Variants in ABL2 observed in about 807,000 individuals in gnomAD.
ABL2 encodes ABL proto-oncogene 2, non-receptor tyrosine kinase.
A neutral mutation model predicts 107.7 loss-of-function variants in ABL2; 49 were observed. That is an observed-to-expected ratio of 0.45 (90% CI 0.36 to 0.58). ABL2 has a LOEUF of 0.58. Among genes scored for constraint, ABL2 ranks in the 20% least tolerant of loss-of-function variants. The pLI is 0.00. For synonymous variants in ABL2, 549 were observed against 548.6 expected, an observed-to-expected ratio of 1.00 and a Z score of -0.01; for missense variants, 1,245 against 1,457.0, an observed-to-expected ratio of 0.85 and a Z score of 2.37.
chr1:179,102,487 A>G lies in ABL2; in HGVS notation c.*5231T>C, dbSNP rs985121795. 37 of 226,420 alleles carry G rather than the reference A, an allele frequency of 1.6e-4. No individual in the cohort carries two copies. Among genetic ancestry groups the G allele is most frequent in the African/African-American group, 8.0e-4 (36 of 44,956 alleles). The allele number at this position is 226,420 out of a possible 1,614,324, so 14.0% of individuals were successfully genotyped here. A position where few individuals can be genotyped will look rare whatever the true frequency, so the allele number is the denominator to read the frequency against. ...CTACTGGCTTGATACAAGCTAAGAC[A>G]GAGACACAAACCGCTGAAGCCTATC... On this transcript the variant is annotated 3_prime_UTR_variant, in exon 12 of 12. Transcript: ENST00000502732.
Position 179,124,464 on chromosome 1 carries a change from C to CTTTTTTTTTT in ABL2, c.687+1903_687+1912dup, listed in dbSNP as rs562899587. ...TTCTAACATCTTAGATTAGCTTCTG[C>CTTTTTTTTTT]TTTTTTTTTTTTTTTTTTTTTTGAG... On this transcript the variant is annotated intron_variant, in intron 4 of 11. Transcript: ENST00000502732. 5.9e-4 allele frequency among the ~76,000 whole-genome samples: 49 copies of CTTTTTTTTTT among 83,354 alleles called. 8 individuals are homozygous for CTTTTTTTTTT. Among genetic ancestry groups the CTTTTTTTTTT allele is most frequent in the African/African-American group, 1.3e-3 (25 of 18,840 alleles). 54.7% of individuals were successfully genotyped at this position (83,354 alleles called of 152,430 possible).
At chr1:179,218,531 G>C (rs1286354495) in intron 1 of ABL2, among the ~76,000 whole-genome samples, 1 of 152,132 alleles carries the variant, frequency 6.6e-6, no homozygotes, top group Non-Finnish European at 1.5e-5. Context: ...CGAGTAGCTG[G>C]GACTACAGGC....
intron 2 of ABL2, among the ~76,000 whole-genome samples, chr1:179,131,833 T>C (rs921986471): frequency 6.6e-6 from 1 of 152,152 alleles, no homozygotes; most frequent in Non-Finnish European, 1.5e-5. Context: ...TTATAAAACA[T>C]AGAGGATATT....
chr1:179,162,024 C>G (rs1162538759), intron 1 of ABL2, among the ~76,000 whole-genome samples: 5 of 152,116 alleles, frequency 3.3e-5, no homozygotes, highest in African/African-American at 1.2e-4. Context: ...TCTTGGACCT[C>G]CCAGCCTCCA....
At chr1:179,132,154 ATT>A (rs938381943) in intron 2 of ABL2, among the ~76,000 whole-genome samples, 1 of 152,214 alleles carries the variant, frequency 6.6e-6, no homozygotes, top group African/African-American at 2.4e-5. Context: ...TTTAAACTCT[ATT>A]TTGTTTTCCT....
intron 1 of ABL2, among the ~76,000 whole-genome samples, chr1:179,190,861 A>T (rs1660970103): frequency 6.6e-6 from 1 of 152,200 alleles, no homozygotes; most frequent in African/African-American, 2.4e-5. Flanking sequence ...TTTCATTGTT[A>T]TAAGAAATTC....
intron 1 of ABL2, among the ~76,000 whole-genome samples, chr1:179,205,110 T>A (rs974159165): frequency 1.3e-5 from 2 of 150,970 alleles, no homozygotes; most frequent in African/African-American, 4.9e-5. Flanking sequence ...CACTGCAACC[T>A]GTGCCTCCTG....
chr1:179,229,079 G>C (rs1460075991), intron 1 of ABL2, among the ~76,000 whole-genome samples, 162 bp downstream of exon 1: 2 of 151,976 alleles, frequency 1.3e-5, no homozygotes, highest in Non-Finnish European at 2.9e-5. Context: ...GGAGGGGTGT[G>C]ACTCGCCTCC....
At chr1:179,199,540 T>C (rs1241806717) in intron 1 of ABL2, among the ~76,000 whole-genome samples, 2 of 152,192 alleles carry the variant, frequency 1.3e-5, no homozygotes, top group East Asian at 3.8e-4. Context: ...ACATGTACTC[T>C]AACATTTTGA....
At chr1:179,221,059 A>G (rs964199585) in intron 1 of ABL2, 35 of 234,018 alleles carry the variant, frequency 1.5e-4, no homozygotes, top group African/African-American at 8.0e-4. Flanking sequence ...TGCTCTGATC[A>G]AAATCCAATT....
At position 179,119,550 on chromosome 1, in the gene ABL2, A is replaced by C. The variant is rs1363418976; in HGVS notation, c.1045+640T>G. ...AAAAAAACACCCCCCACACCCCCCC[A>C]AAAAAAAGAAAAAAAAAAAAACCTG... is the stretch of plus-strand genomic sequence containing the variant. On this transcript the variant is annotated intron_variant, in intron 6 of 11. Transcript: ENST00000502732. 3.4e-5 allele frequency among the ~76,000 whole-genome samples: 5 copies of C among 148,320 alleles called. No homozygotes were observed. In the East Asian group the frequency reaches 9.8e-4, roughly 29 times the overall value.
chr1:179,107,644 A>G lies in ABL2; in HGVS notation c.*74T>C, dbSNP rs1653559405. ...TATGAGTCTTTCATTTTCTGAAAAC[A>G]AGAACACAGGAAAACAAGTCCTTTT... On this transcript the variant is annotated 3_prime_UTR_variant, in exon 12 of 12. Coordinates refer to ENST00000502732, the MANE Select transcript of ABL2 (RefSeq NM_007314.4). 6.6e-7 allele frequency: 1 copy of G among 1,520,328 alleles called. No individual in the cohort carries two copies. Among genetic ancestry groups the G allele is most frequent in the Non-Finnish European group, 8.8e-7 (1 of 1,136,048 alleles). 94.2% of individuals were successfully genotyped at this position (1,520,328 alleles called of 1,614,324 possible).
In ABL2 at chr1:179,217,221, A is replaced by G. The variant is rs532067739; in HGVS notation, c.157+12020T>C. Among the ~76,000 whole-genome samples, 188 of 151,912 alleles carry G rather than the reference A, an allele frequency of 1.2e-3. 1 individual carries two copies. The highest frequency in any genetic ancestry group is 4.4e-3 in the African/African-American group (183 of 41,456). On this transcript the variant is annotated intron_variant, in intron 1 of 11. Coordinates refer to ENST00000502732, the MANE Select transcript of ABL2 (RefSeq NM_007314.4). ...AAGCAGGAAAATCGCTTGAACTCAG[A>G]AGGCCGAGGTTGAACCCAAGAGGCC... is the stretch of plus-strand genomic sequence containing the variant.
intron 1 of ABL2, among the ~76,000 whole-genome samples, chr1:179,151,431 A>G (rs1300546939): frequency 6.6e-6 from 1 of 152,202 alleles, no homozygotes; most frequent in African/African-American, 2.4e-5. Flanking sequence ...CAATTGTTAT[A>G]CTAATATGGG....
At chr1:179,109,590 T>C in intron 11 of ABL2, 149 bp from the exon 12 acceptor site, 1 of 1,302,568 alleles carries the variant, frequency 7.7e-7, no homozygotes, top group East Asian at 2.5e-5. Context: ...TACATTATCA[T>C]TTCACAGTGA....
intron 1 of ABL2, among the ~76,000 whole-genome samples, chr1:179,206,837 G>T (rs111922890): frequency 2.0e-5 from 3 of 152,132 alleles, no homozygotes; most frequent in Admixed American, 2.0e-4. Context: ...GATAAATGCC[G>T]AAAGGATAGA....
chr1:179,191,676 G>A (rs1469694596), intron 1 of ABL2, among the ~76,000 whole-genome samples: 3 of 151,670 alleles, frequency 2.0e-5, no homozygotes, highest in Admixed American at 6.6e-5. Flanking sequence ...CACCCACTTC[G>A]GCCTCCCAAA....
rs200298102 is a variant in ABL2 at position 179,131,366 on chromosome 1, G to A, written c.336C>T (p.Phe112=). Residue 112 remains phenylalanine (F), a synonymous_variant, in exon 3 of 12, where the codon TTC becomes TTT. Coordinates refer to ENST00000502732, the MANE Select transcript of ABL2 (RefSeq NM_007314.4). ...TTGCTACAAAATCATAAAGTGCAAC[G>A]AAGAGATTAGGGTCACTCTCAGTGG... is the stretch of plus-strand genomic sequence containing the variant. ...LGATESDPNL[F]VALYDFVASG... The A allele has an allele frequency of 3.7e-5, 60 of 1,614,044 alleles. No homozygotes were observed. The highest frequency in any genetic ancestry group is 2.4e-4 in the East Asian group (11 of 44,900).
At chr1:179,212,325 AAT>A (rs1196567660) in intron 1 of ABL2, among the ~76,000 whole-genome samples, 4 of 152,204 alleles carry the variant, frequency 2.6e-5, no homozygotes, top group African/African-American at 9.7e-5. Context: ...CAATCATTTA[AAT>A]ACTACTGAGT....
Sources: gnomAD v4.1 joint callset for allele counts (sites outside exome capture counted in the v4.1 genomes callset) on GRCh38, gnomAD v4.1.1 for gene constraint, MANE v1.5 for transcripts, NCBI Gene and HGNC (gene_info 2026-07-23, HGNC 2026-07-21) for gene names.